TSPAN15: variants seen among roughly 807,000 people sequenced by gnomAD.
TSPAN15 encodes the protein tetraspanin 15.
Under a neutral mutation model 34.5 loss-of-function variants are expected in TSPAN15, and 20 were observed. The ratio of observed to expected loss-of-function variants is 0.58; its 90% confidence interval spans 0.41 to 0.84. The LOEUF is 0.84. TSPAN15 is among the 40% of genes least tolerant of loss of function. The pLI is 0.00. For missense variants in TSPAN15, 313 were observed against 386.1 expected, an observed-to-expected ratio of 0.81 and a Z score of 1.59; for synonymous variants, 155 against 153.9, an observed-to-expected ratio of 1.01 and a Z score of -0.05.
At chr10:69,533,948 C>T in the TSPAN15 span, among the ~76,000 whole-genome samples, 17,382 of 152,138 alleles carry the variant, frequency 0.11, 1,254 homozygotes, top group South Asian at 0.16. Flanking sequence ...GACATTTGGT[C>T]ATAGATGTAT....
downstream of TSPAN15, among the ~76,000 whole-genome samples, chr10:69,511,871 G>A (rs563907121): frequency 9.1e-4 from 137 of 150,354 alleles, 3 homozygotes; most frequent in South Asian, 0.017. Context: ...GTTCTCACTC[G>A]TAAGTGGGAG....
chr10:69,474,750 C>A (rs1034600398), intron 1 of TSPAN15, among the ~76,000 whole-genome samples: 7 of 152,152 alleles, frequency 4.6e-5, no homozygotes, highest in African/African-American at 1.7e-4. Context: ...CTCCCTAAGC[C>A]CATACCCAGA....
chr10:69,541,412 C>T, the TSPAN15 span, among the ~76,000 whole-genome samples: 1 of 152,194 alleles, frequency 6.6e-6, no homozygotes, highest in Non-Finnish European at 1.5e-5. Context: ...TAAATACACC[C>T]ATTCCAAATG....
chr10:69,509,605 A>G (rs1308403931), downstream of TSPAN15, among the ~76,000 whole-genome samples: 1 of 151,996 alleles, frequency 6.6e-6, no homozygotes, highest in East Asian at 1.9e-4. Context: ...CCATTTGTCA[A>G]TTTTGGCTTT....
At chr10:69,489,280 C>T (rs766516661) in intron 3 of TSPAN15, among the ~76,000 whole-genome samples, 1 of 152,180 alleles carries the variant, frequency 6.6e-6, no homozygotes, top group Non-Finnish European at 1.5e-5. Flanking sequence ...GTTGTCTTCC[C>T]TTGTTCCCTG....
the TSPAN15 span, among the ~76,000 whole-genome samples, chr10:69,515,564 A>G: frequency 4.6e-5 from 7 of 152,232 alleles, no homozygotes; most frequent in Admixed American, 1.3e-4. Flanking sequence ...AGTAAGTTGC[A>G]GTCCAAGAGG....
At chr10:69,493,103 A>G (rs1000043368) in intron 3 of TSPAN15, among the ~76,000 whole-genome samples, 7 of 152,120 alleles carry the variant, frequency 4.6e-5, no homozygotes, top group Non-Finnish European at 7.4e-5. Flanking sequence ...GGCACCCCCA[A>G]CCACACCCCA....
chr10:69,532,214 A>G, the TSPAN15 span, among the ~76,000 whole-genome samples: 9 of 152,254 alleles, frequency 5.9e-5, no homozygotes, highest in African/African-American at 1.7e-4. Context: ...AAGAGCCCAC[A>G]TAGCCAAAGC....
At chr10:69,475,817 C>T (rs960876381) in intron 1 of TSPAN15, among the ~76,000 whole-genome samples, 1 of 152,044 alleles carries the variant, frequency 6.6e-6, no homozygotes, top group African/African-American at 2.4e-5. Flanking sequence ...GAACCCAAGA[C>T]GTTAGATGTC....
chr10:69,526,660 C>CA, the TSPAN15 span, among the ~76,000 whole-genome samples: 1 of 147,006 alleles, frequency 6.8e-6, no homozygotes, highest in African/African-American at 2.5e-5. Flanking sequence ...TGTGGTGGTG[C>CA]ATGCCTGTAG....
At chr10:69,541,522 C>T in the TSPAN15 span, among the ~76,000 whole-genome samples, 1 of 152,364 alleles carries the variant, frequency 6.6e-6, no homozygotes, top group Non-Finnish European at 1.5e-5. Context: ...CTTCTCACAG[C>T]TCCACCAGGC....
At chr10:69,515,220 T>C in the TSPAN15 span, among the ~76,000 whole-genome samples, 1 of 152,232 alleles carries the variant, frequency 6.6e-6, no homozygotes, top group Non-Finnish European at 1.5e-5. Context: ...TGATTTTGCT[T>C]TCCCAACCTC....
intron 1 of TSPAN15, 141 bp downstream of exon 1, chr10:69,451,831 C>G (rs1840976532): frequency 3.4e-6 from 2 of 585,964 alleles, no homozygotes; most frequent in South Asian, 6.2e-5. Context: ...GTCTTTCTAC[C>G]TCACATTCGG....
intron 1 of TSPAN15, among the ~76,000 whole-genome samples, chr10:69,458,098 G>T (rs547126894): frequency 6.6e-6 from 1 of 152,242 alleles, no homozygotes; most frequent in East Asian, 1.9e-4. Context: ...TTTCTTCCTC[G>T]GGCCCCCATG....
chr10:69,537,437 A>G, the TSPAN15 span, among the ~76,000 whole-genome samples: 1 of 152,228 alleles, frequency 6.6e-6, no homozygotes, highest in African/African-American at 2.4e-5. Flanking sequence ...GCTTAGAACA[A>G]CAGAAACTGA....
intron 5 of TSPAN15, among the ~76,000 whole-genome samples, chr10:69,499,352 C>T (rs908807913): frequency 3.3e-5 from 5 of 152,116 alleles, no homozygotes; most frequent in Non-Finnish European, 5.9e-5. Context: ...TAAAAAAGGC[C>T]GGGCCAGGAG....
the TSPAN15 span, among the ~76,000 whole-genome samples, chr10:69,543,401 C>A: frequency 6.6e-6 from 1 of 152,198 alleles, no homozygotes; most frequent in African/African-American, 2.4e-5. Context: ...GTGCCCAATG[C>A]CCAAAGGACA....
the TSPAN15 span, among the ~76,000 whole-genome samples, chr10:69,539,487 GA>G: frequency 1.5e-5 from 1 of 64,874 alleles, no homozygotes; most frequent in Admixed American, 1.6e-4. Context: ...AGAAGGAGAA[GA>G]AGAAGAAGAA....
the TSPAN15 span, among the ~76,000 whole-genome samples, chr10:69,530,814 CTCTCTCTATATA>C: frequency 2.2e-3 from 134 of 61,236 alleles, no homozygotes; most frequent in Non-Finnish European, 2.7e-3. Context: ...CTCTCTCTCT[CTCTCTCTATATA>C]TATATATATA....
Sources: allele counts gnomAD v4.1 joint callset (sites outside exome capture counted in the v4.1 genomes callset), GRCh38; gene constraint gnomAD v4.1.1; transcripts MANE v1.5; gene names NCBI Gene and HGNC (gene_info 2026-07-23, HGNC 2026-07-21).